PRR13: variants seen among roughly 807,000 people sequenced by gnomAD.
PRR13 encodes the protein proline rich 13.
Under a neutral mutation model 11.5 loss-of-function variants are expected in PRR13, and 7 were observed. The ratio of observed to expected loss-of-function variants is 0.61; its 90% CI spans 0.34 to 1.14. The LOEUF is 1.14. Among genes scored for constraint, PRR13 ranks in the 50% most tolerant of loss-of-function variants. The pLI is 0.03. For synonymous variants in PRR13, 53 were observed against 67.8 expected (o/e 0.78, Z 1.07); for missense variants, 155 against 194.4 (o/e 0.80, Z 1.21).
intron 3 of PRR13, among the ~76,000 whole-genome samples, chr12:53,445,792 C>G (rs1940389337): frequency 6.6e-6 from 1 of 152,144 alleles, no homozygotes; most frequent in African/African-American, 2.4e-5. Context: ...TTTTTAAATT[C>G]CGTGTGATAA....
In PRR13 at chr12:53,446,164, C is replaced by G; in HGVS notation, c.*105C>G. On this transcript the variant is annotated 3_prime_UTR_variant, in exon 4 of 4. Transcript: ENST00000429243. The stretch of plus-strand genomic sequence containing the variant: ...GAATGTAGCCCTTGTGCTCCCCACC[C>G]CCTACCTCCACCTGAGCCTCACCCT... 3.2e-6 allele frequency: 5 copies of G among 1,581,102 alleles called. No homozygotes were observed. The highest frequency in any genetic ancestry group is 4.3e-6 in the Non-Finnish European group (5 of 1,165,700).
intron 3 of PRR13, among the ~76,000 whole-genome samples, chr12:53,444,392 C>G (rs963523265): frequency 6.6e-6 from 1 of 150,578 alleles, no homozygotes; most frequent in Non-Finnish European, 1.5e-5. Flanking sequence ...TGCAGTGGCA[C>G]AATCTCGGCT....
At chr12:53,443,018 G>A (rs527340490) in intron 2 of PRR13, 4 of 384,740 alleles carry the variant, frequency 1.0e-5, no homozygotes, top group Admixed American at 8.8e-5. Context: ...TATCACGCCC[G>A]GCTACTTTTT....
chr12:53,444,756 G>A (rs1940368799), intron 3 of PRR13, among the ~76,000 whole-genome samples: 1 of 152,136 alleles, frequency 6.6e-6, no homozygotes, highest in Non-Finnish European at 1.5e-5. Flanking sequence ...TTATTAGCTG[G>A]GTGTGGTGGC....
rs930341525 is a variant in PRR13, at chr12:53,442,824, C to G, written c.19+91C>G. On this transcript the variant is annotated intron_variant, in intron 2 of 3. Coordinates refer to ENST00000429243, the MANE Select transcript of PRR13 (RefSeq NM_018457.4). ...TCTGTATCAGCTCCCCTACCCCCGACCTGCTGTACCCGCAAAAGCAAAGTC... is the reference window on the plus strand; with the variant it reads ...TCTGTATCAGCTCCCCTACCCCCGAGCTGCTGTACCCGCAAAAGCAAAGTC... The G allele has an allele frequency of 2.2e-6, 3 of 1,369,976 alleles. No individual in the cohort carries two copies. In the African/African-American group the frequency reaches 4.3e-5, roughly 20 times the overall value. 84.9% of individuals were successfully genotyped at this position (1,369,976 alleles called of 1,614,324 possible). A position where few individuals can be genotyped will look rare whatever the true frequency, so the allele number is the denominator to read the frequency against.
chr12:53,443,846 AGGG>A (rs1210052803), intron 3 of PRR13, 73 bp downstream of exon 3: 2 of 1,488,340 alleles, frequency 1.3e-6, no homozygotes, highest in Non-Finnish European at 1.8e-6. Context: ...GGGTTGGGTG[AGGG>A]GGATTCACAT....
At chr12:53,443,301 T>A (rs904021570) in intron 2 of PRR13, 90 bp from the exon 3 acceptor site, 2 of 1,231,934 alleles carry the variant, frequency 1.6e-6, no homozygotes, top group African/African-American at 3.1e-5. Flanking sequence ...TCCCTTTAAG[T>A]ATTGAGTGAG....
At chr12:53,442,908 T>G in intron 2 of PRR13, 175 bp downstream of exon 2, 1 of 529,140 alleles carries the variant, frequency 1.9e-6, no homozygotes, top group Non-Finnish European at 3.1e-6. Context: ...TTTTTTGAGA[T>G]GGAGTCTCTG....
intron 3 of PRR13, among the ~76,000 whole-genome samples, chr12:53,445,364 AG>A (rs1555204377): frequency 1.3e-5 from 2 of 150,588 alleles, no homozygotes; most frequent in Non-Finnish European, 3.0e-5. Flanking sequence ...AAAAAAAAAA[AG>A]GTCTGAAGAG....
At chr12:53,441,947 A>T in intron 1 of PRR13, 155 bp downstream of exon 1, 1 of 635,944 alleles carries the variant, frequency 1.6e-6, no homozygotes, top group Non-Finnish European at 2.8e-6. Flanking sequence ...GTTCTTGGGC[A>T]ACTTCCTTCT....
At chr12:53,444,012 T>G (rs569709000) in intron 3 of PRR13, 16 of 561,050 alleles carry the variant, frequency 2.9e-5, no homozygotes, top group Non-Finnish European at 4.1e-5. Context: ...AGAATGGATT[T>G]TAGAATCAAA....
In PRR13 at chr12:53,443,683, A is replaced by G. The variant is rs1412075107; in HGVS notation, c.312A>G (p.Ile104Met). 3 of 1,614,214 alleles carry G rather than the reference A, an allele frequency of 1.9e-6. No individual in the cohort carries two copies. Among genetic ancestry groups the G allele is most frequent in the Non-Finnish European group, 1.7e-6 (2 of 1,180,044 alleles). ...CTGGCATGGTTGGACCAGCAGTGATAGTAGACAAGAAGATGCAGAAGAAAA... is the reference window on the plus strand; with the variant it reads ...CTGGCATGGTTGGACCAGCAGTGATGGTAGACAAGAAGATGCAGAAGAAAA... ...LAPGMVGPAV[I>M]VDKKMQKKMK... is the part of the protein sequence containing the mutation. The change falls in exon 3 of 4, where the codon ATA becomes ATG. Residue 104 changes from isoleucine (I) to methionine (M), a missense_variant. Physicochemically the swap from Ile to Met is conservative, Grantham distance 10. Transcript: ENST00000429243.
At chr12:53,443,846 A>C (rs1238493343) in intron 3 of PRR13, 73 bp downstream of exon 3, 1 of 1,488,340 alleles carries the variant, frequency 6.7e-7, no homozygotes, top group African/African-American at 1.4e-5. Flanking sequence ...GGGTTGGGTG[A>C]GGGGGATTCA....
chr12:53,442,428 A>G, intron 1 of PRR13: 1 of 328,774 alleles, frequency 3.0e-6, no homozygotes, highest in Non-Finnish European at 5.7e-6. Flanking sequence ...GATTTTTAGT[A>G]GAGACGGGGT....
chr12:53,443,071 G>T, intron 2 of PRR13: 1 of 365,208 alleles, frequency 2.7e-6, no homozygotes. Context: ...TGGCCAGGCT[G>T]GTCTCAAACT....
chr12:53,442,509 C>T, intron 1 of PRR13, 186 bp from the exon 2 acceptor site: 1 of 533,846 alleles, frequency 1.9e-6, no homozygotes, highest in Non-Finnish European at 3.4e-6. Flanking sequence ...TCCCAAAGTG[C>T]TGGGATTACA....
In PRR13 at chr12:53,446,426, A is replaced by G. The variant is rs1362382169; in HGVS notation, c.*367A>G. Reference sequence around the variant, plus strand: ...GAAATTCAATTATGATGAAAAACCTATCTTTTTTGTAATGTTGGCATACTT... The same window carrying G: ...GAAATTCAATTATGATGAAAAACCTGTCTTTTTTGTAATGTTGGCATACTT... On this transcript the variant is annotated 3_prime_UTR_variant, in exon 4 of 4. Transcript: ENST00000429243. 1 of 197,206 alleles carries G rather than the reference A, an allele frequency of 5.1e-6. No individual in the cohort carries two copies. The highest frequency in any genetic ancestry group is 1.0e-5 in the Non-Finnish European group (1 of 97,838). 12.2% of individuals were successfully genotyped at this position (197,206 alleles called of 1,614,324 possible). A position where few individuals can be genotyped will look rare whatever the true frequency, so the allele number is the denominator to read the frequency against.
intron 1 of PRR13, 45 bp from the exon 2 acceptor site, chr12:53,442,650 T>G (rs1345633539): frequency 6.5e-7 from 1 of 1,537,212 alleles, no homozygotes; most frequent in East Asian, 2.2e-5. Context: ...GTCCACTTCC[T>G]ACCTCTAGAC....
chr12:53,442,906 G>C, intron 2 of PRR13, 173 bp downstream of exon 2: 1 of 546,120 alleles, frequency 1.8e-6, no homozygotes, highest in South Asian at 3.8e-5. Context: ...TATTTTTTGA[G>C]ATGGAGTCTC....
Sources: allele counts gnomAD v4.1 joint callset (sites outside exome capture counted in the v4.1 genomes callset), GRCh38; gene constraint gnomAD v4.1.1; transcripts MANE v1.5; gene names NCBI Gene and HGNC (gene_info 2026-07-23, HGNC 2026-07-21).